NECAB2: variants seen among roughly 807,000 people sequenced by gnomAD.
NECAB2 encodes N-terminal EF-hand calcium-binding protein 2.
NECAB2 carries 68 observed loss-of-function variants against 51.9 expected under a neutral mutation model. That is an observed-to-expected ratio of 1.31 (90% CI 1.08 to 1.60). The LOEUF (loss-of-function observed/expected upper bound fraction) is 1.60, where lower values mean the gene tolerates loss of function less well. Ranked by LOEUF, NECAB2 falls within the 40% of genes most tolerant of loss-of-function variation. The pLI is 0.00. For synonymous variants in NECAB2, 329 were observed against 203.5 expected, an observed-to-expected ratio of 1.62 and a Z score of -5.25; for missense variants, 854 against 490.3, an observed-to-expected ratio of 1.74 and a Z score of -7.00.
intron 5 of NECAB2, among the ~76,000 whole-genome samples, chr16:83,984,317 C>T (rs1378162022): frequency 6.6e-6 from 1 of 151,686 alleles, no homozygotes; most frequent in Non-Finnish European, 1.5e-5. Flanking sequence ...ACAAAACTGC[C>T]CTGGGCATAG....
chr16:84,000,829 GAGGGAGACAGAGGGAAGT>G (rs141446650), intron 11 of NECAB2, 28 bp downstream of exon 11: 104,653 of 1,602,232 alleles, frequency 0.065, 3,563 homozygotes, highest in East Asian at 0.1. Flanking sequence ...CACAGCAGGT[GAGGGAGACAGAGGGAAGT>G]GGGGGGGCTG....
intron 5 of NECAB2, among the ~76,000 whole-genome samples, chr16:83,985,804 T>C (rs1441175627): frequency 6.6e-6 from 1 of 152,240 alleles, no homozygotes; most frequent in Non-Finnish European, 1.5e-5. Flanking sequence ...ATTTTTTTAA[T>C]GTACTGAGAT....
At chr16:83,977,845 C>T (rs1255106976) in intron 2 of NECAB2, among the ~76,000 whole-genome samples, 1 of 152,188 alleles carries the variant, frequency 6.6e-6, no homozygotes, top group Non-Finnish European at 1.5e-5. Context: ...ACTCTAAGAA[C>T]AGTGCTGAGA....
intron 9 of NECAB2, among the ~76,000 whole-genome samples, chr16:83,997,571 TCTGCCTCCTGGGTTCAAGCAATTCTC>T (rs2084730202): frequency 7.5e-6 from 1 of 133,938 alleles, no homozygotes; most frequent in African/African-American, 2.8e-5. Flanking sequence ...TACTGCAACC[TCTGCCTCCTGGGTTCAAGCAATTCTC>T]CTGCCTCAGC....
At chr16:83,985,270 G>A (rs781522194) in intron 5 of NECAB2, among the ~76,000 whole-genome samples, 9 of 116,622 alleles carry the variant, frequency 7.7e-5, no homozygotes, top group Admixed American at 2.4e-4. Flanking sequence ...TAGAGACTGC[G>A]CCATTGCACT....
At chr16:83,966,328 C>T, upstream of NECAB2, 1 of 407,642 alleles carries the variant, frequency 2.5e-6, no homozygotes, top group Non-Finnish European at 4.4e-6. Context: ...CCAGTGCCCA[C>T]CTGCTCTCAT....
At chr16:83,990,678 G>A (rs200458213) in intron 6 of NECAB2, 48 bp downstream of exon 6, 54 of 1,599,672 alleles carry the variant, frequency 3.4e-5, no homozygotes, top group South Asian at 7.8e-5. Context: ...TGCCGTGCAC[G>A]CGCACGTGCC....
intron 3 of NECAB2, among the ~76,000 whole-genome samples, chr16:83,979,703 G>A (rs1360871736): frequency 4.6e-5 from 7 of 151,024 alleles, no homozygotes; most frequent in Non-Finnish European, 7.4e-5. Flanking sequence ...GAGGCGGAGG[G>A]AGGAGGAGGC....
At chr16:83,994,742 A>G (rs905692544) in intron 8 of NECAB2, 54 bp downstream of exon 8, 9 of 1,591,970 alleles carry the variant, frequency 5.7e-6, no homozygotes, top group Non-Finnish European at 6.9e-6. Flanking sequence ...GAGGGAGTGC[A>G]GAGTTAAGCC....
At chr16:83,989,583 G>C (rs2084596152) in intron 5 of NECAB2, among the ~76,000 whole-genome samples, 1 of 152,188 alleles carries the variant, frequency 6.6e-6, no homozygotes, top group Non-Finnish European at 1.5e-5. Flanking sequence ...CTTGGCAGAG[G>C]AGGCCAGGAG....
Position 84,002,499 on chromosome 16 carries a change from G to A in NECAB2, c.*153G>A, listed in dbSNP as rs139872254. The A allele has an allele frequency of 2.2e-4, 218 of 969,596 alleles. No homozygotes were observed. The highest frequency in any genetic ancestry group is 6.9e-4 in the East Asian group (27 of 39,168). The allele number at this position is 969,596 out of a possible 1,614,324, so 60.1% of individuals were successfully genotyped here. A position where few individuals can be genotyped will look rare whatever the true frequency, so the allele number is the denominator to read the frequency against. On this transcript the variant is annotated 3_prime_UTR_variant, in exon 13 of 13. Coordinates refer to ENST00000305202, the MANE Select transcript of NECAB2 (RefSeq NM_019065.3). ...TCCCTGTTGTTAAGTGAAGGAGGCC[G>A]CCCCTGCCCCCACCTGAGAAGGCAG...
At chr16:83,965,587 C>G, upstream of NECAB2, 1 of 1,613,074 alleles carries the variant, frequency 6.2e-7, no homozygotes, top group Non-Finnish European at 8.5e-7. Flanking sequence ...CCGAGTACCA[C>G]AAGGTGCACC....
chr16:83,988,330 C>T (rs78147818), intron 5 of NECAB2, among the ~76,000 whole-genome samples: 4 of 152,038 alleles, frequency 2.6e-5, no homozygotes, highest in Admixed American at 6.6e-5. Context: ...TTGGAATGTA[C>T]AATTCCTAGT....
intron 8 of NECAB2, among the ~76,000 whole-genome samples, chr16:83,996,998 G>A (rs2084710859): frequency 6.6e-6 from 1 of 150,482 alleles, no homozygotes; most frequent in Non-Finnish European, 1.5e-5. Flanking sequence ...AGTCCCCCTT[G>A]CTGCCTCTCC....
Position 83,990,581 on chromosome 16 carries a change from T to C in NECAB2, c.547T>C (p.Ser183Pro). 6.2e-7 allele frequency: 1 copy of C among 1,614,076 alleles called. No homozygotes were observed. Among genetic ancestry groups the C allele is most frequent in the Non-Finnish European group, 8.5e-7 (1 of 1,180,030 alleles). Residue 183 changes from serine (S) to proline (P), a missense_variant, in exon 6 of 13, where the codon TCA (serine) becomes CCA (proline). Ser to Pro is a moderately conservative substitution (Grantham distance 74). Coordinates refer to ENST00000305202, the MANE Select transcript of NECAB2 (RefSeq NM_019065.3). The part of the protein sequence containing the change: ...TANQIQSLLS[S>P]VESAVEAIEE... ...CAATCAGATCCAGTCGCTGCTGAGC[T>C]CAGTGGAGAGTGCGGTGGAGGCCAT...
chr16:84,001,373 G>A (rs911942121), intron 11 of NECAB2, among the ~76,000 whole-genome samples: 1 of 152,082 alleles, frequency 6.6e-6, no homozygotes, highest in African/African-American at 2.4e-5. Context: ...TGCTTCCCTG[G>A]TAAACACTCA....
upstream of NECAB2, chr16:83,965,182 G>C: frequency 1.2e-6 from 2 of 1,613,296 alleles, no homozygotes; most frequent in Non-Finnish European, 1.7e-6. Context: ...CCGTGGAGTG[G>C]GGGACCCCCG....
chr16:83,995,624 G>A (rs527309395), intron 8 of NECAB2, among the ~76,000 whole-genome samples: 48 of 152,110 alleles, frequency 3.2e-4, no homozygotes, highest in Non-Finnish European at 5.7e-4. Flanking sequence ...GGATTGAGGT[G>A]GTTTTATGTT....
chr16:83,998,071 T>C, intron 9 of NECAB2, 134 bp from the exon 10 acceptor site: 1 of 766,586 alleles, frequency 1.3e-6, no homozygotes, highest in Non-Finnish European at 2.1e-6. Context: ...TCTTATCCAT[T>C]CATGGGTAAG....
Sources: gnomAD v4.1 joint callset for allele counts (sites outside exome capture counted in the v4.1 genomes callset) on GRCh38, gnomAD v4.1.1 for gene constraint, MANE v1.5 for transcripts, NCBI Gene and HGNC (gene_info 2026-07-23, HGNC 2026-07-21) for gene names.